Variants in RAB28 observed in about 807,000 individuals in gnomAD.
RAB28 encodes the protein ras-related protein Rab-28.
A neutral mutation model predicts 31.7 loss-of-function variants in RAB28; 24 were observed. The observed-to-expected ratio is 0.76, with a 90% CI of 0.55 to 1.06. The LOEUF (loss-of-function observed/expected upper bound fraction) is 1.06, where lower values mean the gene tolerates loss of function less well. RAB28 is among the 50% of genes least tolerant of loss of function. The probability of loss-of-function intolerance (pLI) is 0.00; values close to 1 mark genes in which losing one functional copy is unlikely to be tolerated. For missense variants in RAB28, 254 were observed against 258.5 expected, an observed-to-expected ratio of 0.98 and a Z score of 0.12; for synonymous variants, 100 against 90.4, an observed-to-expected ratio of 1.11 and a Z score of -0.60.
intron 4 of RAB28, among the ~76,000 whole-genome samples, chr4:13,422,305 G>A (rs1231127016): frequency 6.6e-6 from 1 of 152,186 alleles, no homozygotes; most frequent in Non-Finnish European, 1.5e-5. Flanking sequence ...TGGTGGGAGT[G>A]TAAACTAGTT....
chr4:13,447,116 C>T lies in RAB28; in HGVS notation c.391+13583G>A, dbSNP rs557956645. On this transcript the variant is annotated intron_variant, in intron 4 of 6. Coordinates refer to ENST00000330852, the MANE Select transcript of RAB28 (RefSeq NM_001017979.3). ...CTTCTCACTACTTCCACTGCTATCA[C>T]TCTGGTCCATGCCACCATTATTTAT... is the stretch of plus-strand genomic sequence containing the variant. Among the ~76,000 whole-genome samples the T allele has an allele frequency of 1.2e-3, 188 of 152,278 alleles. 2 individuals carry two copies. The highest frequency in any genetic ancestry group is 4.3e-3 in the African/African-American group (180 of 41,564).
intron 4 of RAB28, among the ~76,000 whole-genome samples, chr4:13,418,966 TAG>T (rs1452656400): frequency 2.6e-5 from 4 of 151,796 alleles, no homozygotes; most frequent in Non-Finnish European, 2.9e-5. Flanking sequence ...GCAAATTGGA[TAG>T]AGTCAAGACC....
intron 4 of RAB28, among the ~76,000 whole-genome samples, chr4:13,382,427 A>G (rs1729167826): frequency 6.7e-6 from 1 of 149,506 alleles, no homozygotes; most frequent in African/African-American, 2.5e-5. Flanking sequence ...TCAATATAGG[A>G]AAAAAAAAAC....
At chr4:13,393,852 C>T (rs1371681866) in intron 4 of RAB28, among the ~76,000 whole-genome samples, 1 of 81,132 alleles carries the variant, frequency 1.2e-5, no homozygotes, top group Non-Finnish European at 2.6e-5. Flanking sequence ...AAATCACAGG[C>T]TACAAAAAAA....
chr4:13,467,052 G>T (rs149567247), intron 3 of RAB28, among the ~76,000 whole-genome samples: 1 of 151,592 alleles, frequency 6.6e-6, no homozygotes, highest in Non-Finnish European at 1.5e-5. Flanking sequence ...ATAGTCAAAG[G>T]GTACAAAATC....
intron 4 of RAB28, among the ~76,000 whole-genome samples, chr4:13,398,646 C>T (rs1711578869): frequency 1.3e-5 from 2 of 152,034 alleles, no homozygotes; most frequent in South Asian, 4.2e-4. Flanking sequence ...GGCATGATGG[C>T]GGGCGCCTGT....
intron 3 of RAB28, among the ~76,000 whole-genome samples, chr4:13,467,478 C>T (rs768193126): frequency 6.6e-5 from 10 of 151,616 alleles, no homozygotes; most frequent in Admixed American, 2.0e-4. Context: ...ATGATTATAG[C>T]ATATAGATAA....
chr4:13,433,138 G>GAAAAAAA (rs1159582203), intron 4 of RAB28, among the ~76,000 whole-genome samples: 1 of 69,496 alleles, frequency 1.4e-5, no homozygotes. Flanking sequence ...GCAAATGAAA[G>GAAAAAAA]AAAAAAAAAA....
At chr4:13,474,095 C>A in intron 3 of RAB28, 1 of 681,206 alleles carries the variant, frequency 1.5e-6, no homozygotes, top group Middle Eastern at 2.5e-4. Context: ...AAATAACATA[C>A]GAAAGCTGTT....
intron 4 of RAB28, among the ~76,000 whole-genome samples, chr4:13,434,637 G>C (rs758242442): frequency 2.0e-5 from 3 of 152,074 alleles, no homozygotes; most frequent in Non-Finnish European, 4.4e-5. Context: ...CTCTAATACT[G>C]CCATGTGCTT....
At chr4:13,394,711 T>C (rs1172660979) in intron 4 of RAB28, among the ~76,000 whole-genome samples, 2 of 152,162 alleles carry the variant, frequency 1.3e-5, no homozygotes, top group African/African-American at 2.4e-5. Flanking sequence ...ACCTATAGCA[T>C]AATGAGGATA....
At chr4:13,468,589 T>C (rs1192853321) in intron 3 of RAB28, among the ~76,000 whole-genome samples, 7 of 150,856 alleles carry the variant, frequency 4.6e-5, no homozygotes, top group Non-Finnish European at 8.9e-5. Context: ...TTAGGGAAAG[T>C]GTTTAGCATT....
chr4:13,380,815 A>G (rs1391028918), intron 5 of RAB28, among the ~76,000 whole-genome samples: 1 of 152,080 alleles, frequency 6.6e-6, no homozygotes, highest in Non-Finnish European at 1.5e-5. Flanking sequence ...TTCAAAACTT[A>G]ACAACCTATA....
chr4:13,424,388 C>T (rs1713352681), intron 4 of RAB28, among the ~76,000 whole-genome samples: 1 of 152,176 alleles, frequency 6.6e-6, no homozygotes, highest in South Asian at 2.1e-4. Flanking sequence ...CCAATCTCTG[C>T]CTCCATCTTC....
At chr4:13,417,615 G>A (rs1665376886) in intron 4 of RAB28, among the ~76,000 whole-genome samples, 1 of 152,214 alleles carries the variant, frequency 6.6e-6, no homozygotes, top group South Asian at 2.1e-4. Context: ...AGGGTCTGGA[G>A]TGGACCTCCA....
intron 2 of RAB28, among the ~76,000 whole-genome samples, chr4:13,474,781 A>G (rs1716274842): frequency 6.6e-6 from 1 of 151,658 alleles, no homozygotes; most frequent in South Asian, 2.1e-4. Flanking sequence ...GAAGCTTTAT[A>G]TACTCAACCA....
intron 6 of RAB28, among the ~76,000 whole-genome samples, chr4:13,375,768 A>AACACACACAC (rs377543521): frequency 1.1e-4 from 17 of 148,066 alleles, no homozygotes; most frequent in African/African-American, 4.0e-4. Flanking sequence ...ATTGTTTTAA[A>AACACACACAC]ACACACACAC....
At chr4:13,470,926 A>G (rs1716088995) in intron 3 of RAB28, among the ~76,000 whole-genome samples, 1 of 152,086 alleles carries the variant, frequency 6.6e-6, no homozygotes, top group South Asian at 2.1e-4. Context: ...GGGACTGAAG[A>G]GGGTAAAATA....
At chr4:13,370,707 A>T in intron 6 of RAB28, 1 of 985,002 alleles carries the variant, frequency 1.0e-6, no homozygotes, top group East Asian at 1.1e-4. Flanking sequence ...ATTCCTCCCG[A>T]TCCTAACCTC....
Sources: gnomAD v4.1 joint callset for allele counts (sites outside exome capture counted in the v4.1 genomes callset) on GRCh38, gnomAD v4.1.1 for gene constraint, MANE v1.5 for transcripts, NCBI Gene and HGNC (gene_info 2026-07-23, HGNC 2026-07-21) for gene names.